NRXN3: variants seen among roughly 807,000 people sequenced by gnomAD.
NRXN3 encodes neurexin III.
NRXN3 carries 32 observed loss-of-function variants against 137.6 expected under a neutral mutation model. That is an observed-to-expected ratio of 0.23 (90% confidence interval 0.18 to 0.31). The LOEUF is 0.31. Ranked by LOEUF, NRXN3 falls within the 10% of genes least tolerant of loss-of-function variation. The probability of loss-of-function intolerance (pLI) is 1.00; values close to 1 mark genes in which losing one functional copy is unlikely to be tolerated. For synonymous variants in NRXN3, 798 were observed against 784.5 expected (o/e 1.02, Z -0.29); for missense variants, 1,574 against 2,062.5 (o/e 0.76, Z 4.59).
intron 16 of NRXN3, among the ~76,000 whole-genome samples, chr14:79,488,882 G>A (rs2096683470): frequency 1.3e-5 from 2 of 152,098 alleles, no homozygotes; most frequent in African/African-American, 4.8e-5. Flanking sequence ...TTTCAATGTT[G>A]TCTTGATCTC....
chr14:78,338,209 C>G (rs2081703962), intron 4 of NRXN3, among the ~76,000 whole-genome samples: 1 of 152,170 alleles, frequency 6.6e-6, no homozygotes, highest in South Asian at 2.1e-4. Flanking sequence ...CAAAGCAACA[C>G]CATCTGACAT....
intron 15 of NRXN3, among the ~76,000 whole-genome samples, chr14:79,046,130 T>A (rs183616767): frequency 1.4e-4 from 22 of 152,322 alleles, no homozygotes; most frequent in Admixed American, 6.5e-4. Flanking sequence ...GTTTAAGCAA[T>A]GGAGTAACAT....
At chr14:79,156,008 A>G (rs888622912) in intron 15 of NRXN3, among the ~76,000 whole-genome samples, 1 of 151,832 alleles carries the variant, frequency 6.6e-6, no homozygotes, top group Non-Finnish European at 1.5e-5. Context: ...TATTTTAAAA[A>G]TCTCTCTCTT....
At chr14:79,768,373 G>A (rs529693036) in intron 19 of NRXN3, among the ~76,000 whole-genome samples, 82 of 152,302 alleles carry the variant, frequency 5.4e-4, no homozygotes, top group African/African-American at 1.9e-3. Flanking sequence ...AAGTATCCCT[G>A]TCTGACAGCT....
intron 19 of NRXN3, among the ~76,000 whole-genome samples, chr14:79,713,327 G>A (rs1276076453): frequency 2.0e-5 from 3 of 150,356 alleles, no homozygotes; most frequent in Non-Finnish European, 4.4e-5. Flanking sequence ...GCTGCCCTGT[G>A]TTGGCATCCT....
chr14:79,101,653 A>G (rs2051322425), intron 15 of NRXN3, among the ~76,000 whole-genome samples: 1 of 152,228 alleles, frequency 6.6e-6, no homozygotes. Flanking sequence ...GCATGAAGCC[A>G]GAGCACTGGA....
intron 1 of NRXN3, among the ~76,000 whole-genome samples, chr14:78,211,795 G>C (rs771948179): frequency 2.6e-5 from 4 of 152,238 alleles, no homozygotes; most frequent in Non-Finnish European, 4.4e-5. Context: ...AACTGTTAGG[G>C]AGGAGGAAGA....
At chr14:79,317,947 A>T (rs1039169514) in intron 15 of NRXN3, among the ~76,000 whole-genome samples, 1 of 152,178 alleles carries the variant, frequency 6.6e-6, no homozygotes, top group Non-Finnish European at 1.5e-5. Context: ...TTTCAAACCA[A>T]TGTAAGAGCA....
rs1205288159 is a variant in NRXN3 at position 78,926,862 on chromosome 14, A to T, written c.2276-30380A>T. Among the ~76,000 whole-genome samples, 84 of 19,162 alleles carry T rather than the reference A, an allele frequency of 4.4e-3. 7 individuals carry two copies. The highest frequency in any genetic ancestry group is 5.4e-3 in the Non-Finnish European group (75 of 13,808). The allele number at this position is 19,162 out of a possible 152,430, so 12.6% of individuals were successfully genotyped here. A position where few individuals can be genotyped will look rare whatever the true frequency, so the allele number is the denominator to read the frequency against. ...AAATATATAATATATTATATATATA[A>T]TATATATATAATATATAATATATTT... On this transcript the variant is annotated intron_variant, in intron 10 of 20. Coordinates refer to ENST00000335750, the MANE Select transcript of NRXN3 (RefSeq NM_001330195.2).
chr14:79,006,522 C>T (rs897937540), intron 15 of NRXN3, among the ~76,000 whole-genome samples: 3 of 152,002 alleles, frequency 2.0e-5, no homozygotes, highest in Admixed American at 2.0e-4. Context: ...AAGAAATTTA[C>T]TCCATTTTTA....
intron 15 of NRXN3, among the ~76,000 whole-genome samples, chr14:79,249,407 A>G (rs1399297974): frequency 6.6e-6 from 1 of 152,178 alleles, no homozygotes; most frequent in African/African-American, 2.4e-5. Context: ...CATGAAGAGA[A>G]ACTAATGAAG....
intron 4 of NRXN3, among the ~76,000 whole-genome samples, chr14:78,372,886 G>A (rs1402924673): frequency 6.6e-6 from 1 of 152,074 alleles, no homozygotes; most frequent in Non-Finnish European, 1.5e-5. Flanking sequence ...AAAATAAAAG[G>A]CAATGTATCA....
intron 19 of NRXN3, among the ~76,000 whole-genome samples, chr14:79,712,167 C>T (rs1178874108): frequency 1.3e-5 from 2 of 152,214 alleles, no homozygotes; most frequent in Non-Finnish European, 2.9e-5. Flanking sequence ...CTGCTCTATA[C>T]TGGTAACCCT....
At chr14:79,804,007 ATATG>A (rs1449515643) in intron 19 of NRXN3, among the ~76,000 whole-genome samples, 6 of 149,874 alleles carry the variant, frequency 4.0e-5, no homozygotes, top group African/African-American at 1.5e-4. Flanking sequence ...GTATGTATGT[ATATG>A]TATGTCTAGG....
At chr14:78,602,614 C>T (rs1433921532) in intron 4 of NRXN3, 1 of 152,232 alleles carries the variant, frequency 6.6e-6, no homozygotes, top group African/African-American at 2.4e-5. Context: ...CCTCTCCAGT[C>T]CCGCAGAGGT....
chr14:79,234,833 C>A (rs1357638474), intron 15 of NRXN3, among the ~76,000 whole-genome samples: 2 of 151,924 alleles, frequency 1.3e-5, no homozygotes, highest in Non-Finnish European at 2.9e-5. Context: ...TGACAGAATA[C>A]TTGTTAATAT....
At chr14:78,823,134 C>A (rs1171598373) in intron 10 of NRXN3, among the ~76,000 whole-genome samples, 4 of 152,172 alleles carry the variant, frequency 2.6e-5, no homozygotes, top group Non-Finnish European at 5.9e-5. Flanking sequence ...GGAACAGAGA[C>A]AACTAAGAAG....
At chr14:79,526,049 T>C (rs2097115671) in intron 16 of NRXN3, among the ~76,000 whole-genome samples, 1 of 151,946 alleles carries the variant, frequency 6.6e-6, no homozygotes, top group African/African-American at 2.4e-5. Context: ...ACCCACCTAA[T>C]TTTTTTTCTT....
intron 4 of NRXN3, among the ~76,000 whole-genome samples, chr14:78,411,660 G>A (rs2092834788): frequency 6.6e-6 from 1 of 152,154 alleles, no homozygotes; most frequent in Non-Finnish European, 1.5e-5. Flanking sequence ...AGGCCCAGAG[G>A]ACCTCATCTG....
Sources: allele counts gnomAD v4.1 joint callset (sites outside exome capture counted in the v4.1 genomes callset), GRCh38; gene constraint gnomAD v4.1.1; transcripts MANE v1.5; gene names NCBI Gene and HGNC (gene_info 2026-07-23, HGNC 2026-07-21).